TJP2: variants seen among roughly 807,000 people sequenced by gnomAD.
TJP2 encodes the protein tight junction protein 2, also known as Friedreich ataxia region gene X104 (tight junction protein ZO-2).
A neutral mutation model predicts 133.1 loss-of-function variants in TJP2; 91 were observed. The ratio of observed to expected loss-of-function variants is 0.68; its 90% CI spans 0.58 to 0.81. The LOEUF is 0.81. Among genes scored for constraint, TJP2 ranks in the 40% least tolerant of loss-of-function variants. TJP2 has a pLI of 0.00. For synonymous variants in TJP2, 592 were observed against 583.4 expected (o/e 1.01, Z -0.21); for missense variants, 1,541 against 1,565.6 (o/e 0.98, Z 0.26).
intron 2 of TJP2, among the ~76,000 whole-genome samples, chr9:69,165,398 A>G (rs1824296841): frequency 6.6e-6 from 1 of 152,148 alleles, no homozygotes; most frequent in Admixed American, 6.5e-5. Flanking sequence ...TTGGTCTCCC[A>G]AAGTGCTGTG....
Position 69,181,237 on chromosome 9 carries a change from TTTC to T in TJP2, c.60+6808_60+6810del, listed in dbSNP as rs370744184. Among the ~76,000 whole-genome samples, 6 of 120,238 alleles carry T rather than the reference TTTC, an allele frequency of 5.0e-5. No homozygotes were observed. The South Asian group carries it at 1.6e-3, about 32-fold the overall frequency. 78.9% of individuals were successfully genotyped at this position (120,238 alleles called of 152,430 possible). A position where few individuals can be genotyped will look rare whatever the true frequency, so the allele number is the denominator to read the frequency against. ...GCTGTCTTGTGACTCTAGTTTGCAA[TTTC>T]TTTTTTTTTTTTTTTTTTTTTTTTT... On this transcript the variant is annotated intron_variant, in intron 1 of 22. Coordinates refer to ENST00000377245, the MANE Select transcript of TJP2 (RefSeq NM_004817.4).
Position 69,228,077 on chromosome 9 carries a change from G to C in TJP2, c.1416G>C (p.Glu472Asp), listed in dbSNP as rs554849464. Residue 472 changes from glutamate to aspartate, a missense_variant, in exon 9 of 23, where the codon GAG becomes GAC. Glu to Asp is a conservative substitution (Grantham distance 45, BLOSUM62 2). Transcript: ENST00000377245. ...TGDIAGTVVP[E>D]TNKEPRYQED... Reference sequence around the variant, plus strand: ...ATATTGCAGGCACAGTTGTCCCAGAGACCAACAAGGAACCCAGATACCAAG... The same window carrying C: ...ATATTGCAGGCACAGTTGTCCCAGACACCAACAAGGAACCCAGATACCAAG... 4 of 1,613,268 alleles carry C rather than the reference G, an allele frequency of 2.5e-6. No individual in the cohort carries two copies. The highest frequency in any genetic ancestry group is 3.4e-6 in the Non-Finnish European group (4 of 1,179,640).
intron 1 of TJP2, among the ~76,000 whole-genome samples, chr9:69,146,874 G>A (rs1049005431): frequency 6.6e-6 from 1 of 152,146 alleles, no homozygotes; most frequent in African/African-American, 2.4e-5. Context: ...GGTGCCACTG[G>A]TGAGACATTT....
rs369572714 is a variant in TJP2 at position 69,221,376 on chromosome 9, C to T, written c.832C>T (p.Arg278Cys). The change falls in exon 5 of 23, where the codon CGC becomes TGC. Residue 278 changes from arginine to cysteine, a missense_variant. Transcript: ENST00000377245. ...EYRRGARHDA[R>C]SRGPRSRSRE... ...CAGGCGCGGGGCCCGCCACGATGCC[C>T]GCTCTCGGGGACCCCGAAGCCGCAG... 14 of 1,583,414 alleles carry T rather than the reference C, an allele frequency of 8.8e-6. No homozygotes were observed. The East Asian group carries it at 1.6e-4, about 18-fold the overall frequency.
chr9:69,223,164 G>A (rs11137572), intron 5 of TJP2, among the ~76,000 whole-genome samples: 50,455 of 151,664 alleles, frequency 0.33, 8,738 homozygotes, highest in Middle Eastern at 0.38. Flanking sequence ...ATCTCAAGTG[G>A]AAAACCACAG....
At chr9:69,228,595 T>A (rs1301968531) in intron 9 of TJP2, among the ~76,000 whole-genome samples, 1 of 152,216 alleles carries the variant, frequency 6.6e-6, no homozygotes, top group East Asian at 1.9e-4. Context: ...TATACAGATA[T>A]GTATGTACAT....
intron 5 of TJP2, among the ~76,000 whole-genome samples, chr9:69,221,870 T>TC (rs1435652437): frequency 6.7e-6 from 1 of 148,348 alleles, no homozygotes; most frequent in Non-Finnish European, 1.5e-5. Context: ...CTACTTTTTT[T>TC]TTTTTTTTTT....
chr9:69,220,892 C>A lies in TJP2; in HGVS notation c.348C>A (p.Val116=). Residue 116 remains valine (V), a synonymous_variant, in exon 5 of 23, where the codon GTC becomes GTA. Coordinates refer to ENST00000377245, the MANE Select transcript of TJP2 (RefSeq NM_004817.4). ...RKSGKVAAIV[V]KRPRKVQVAA... Reference sequence around the variant, plus strand: ...TGAGTTTGTTTTGACAACAGGTGGTCAAGAGGCCCCGGAAGGTCCAGGTGG... The same window carrying A: ...TGAGTTTGTTTTGACAACAGGTGGTAAAGAGGCCCCGGAAGGTCCAGGTGG... 5 of 1,612,206 alleles carry A rather than the reference C, an allele frequency of 3.1e-6. No homozygotes were observed. In the South Asian group the frequency reaches 3.3e-5, roughly 11 times the overall value.
In TJP2 at chr9:69,191,830, A is replaced by G. The variant is rs1826223619; in HGVS notation, c.60+17398A>G. ...CAGCTCATTGCAACCTCCACCTCCC[A>G]GGTTCAAGCGATTTTCCTGCCTCAG... On this transcript the variant is annotated intron_variant, in intron 1 of 22. Transcript: ENST00000377245. Among the ~76,000 whole-genome samples the G allele has an allele frequency of 1.3e-5, 2 of 151,824 alleles. 1 individual carries two copies. The highest frequency in any genetic ancestry group is 4.8e-5 in the African/African-American group (2 of 41,306).
chr9:69,200,152 G>A (rs1282695241), intron 1 of TJP2, among the ~76,000 whole-genome samples: 2 of 146,144 alleles, frequency 1.4e-5, no homozygotes, highest in East Asian at 1.9e-4. Flanking sequence ...TTTACTGCCC[G>A]GCCGCACTGA....
At chr9:69,174,032 GC>G, upstream of TJP2, 1 of 1,042,696 alleles carries the variant, frequency 9.6e-7, no homozygotes, top group Non-Finnish European at 1.2e-6. Flanking sequence ...GCCGCCTCCC[GC>G]CCCCGGCCAG....
chr9:69,200,608 A>G (rs72709068), intron 1 of TJP2, among the ~76,000 whole-genome samples: 1 of 152,138 alleles, frequency 6.6e-6, no homozygotes. Context: ...TGCCTAGCCC[A>G]GTCTTGAACT....
intron 2 of TJP2, among the ~76,000 whole-genome samples, chr9:69,167,276 A>G (rs980690415): frequency 2.0e-5 from 3 of 152,102 alleles, no homozygotes; most frequent in African/African-American, 7.2e-5. Context: ...ATAATACTGT[A>G]GTGGGATCTC....
At chr9:69,150,146 C>A (rs1273609823) in intron 1 of TJP2, among the ~76,000 whole-genome samples, 1 of 151,436 alleles carries the variant, frequency 6.6e-6, no homozygotes, top group East Asian at 1.9e-4. Context: ...GAGACTGTCT[C>A]AAAAAACAAA....
At chr9:69,248,751 C>T in intron 19 of TJP2, 8 of 996,026 alleles carry the variant, frequency 8.0e-6, no homozygotes, top group Non-Finnish European at 8.4e-6. Flanking sequence ...TGTGCATCCA[C>T]TGTGATTAGA....
intron 1 of TJP2, among the ~76,000 whole-genome samples, chr9:69,144,964 GCT>G: frequency 6.6e-6 from 1 of 152,208 alleles, no homozygotes; most frequent in Non-Finnish European, 1.5e-5. Context: ...GGGTAAGGAA[GCT>G]CTTCAAAGCC....
chr9:69,167,485 C>T (rs1257383675), intron 2 of TJP2, among the ~76,000 whole-genome samples: 1 of 152,102 alleles, frequency 6.6e-6, no homozygotes, highest in Admixed American at 6.5e-5. Context: ...AAAAAATTAA[C>T]AAAAATGAAA....
At chr9:69,238,595 C>T in intron 15 of TJP2, 115 bp from the exon 16 acceptor site, 1 of 836,236 alleles carries the variant, frequency 1.2e-6, no homozygotes, top group Non-Finnish European at 2.0e-6. Flanking sequence ...CCCACTGAAT[C>T]TTGTTAGGAG....
upstream of TJP2, among the ~76,000 whole-genome samples, chr9:69,170,307 T>G (rs1337141440): frequency 2.0e-5 from 3 of 152,246 alleles, no homozygotes; most frequent in African/African-American, 7.2e-5. Flanking sequence ...AGTTTTTATT[T>G]TTTTTATAAT....
Sources: gnomAD v4.1 joint callset for allele counts (sites outside exome capture counted in the v4.1 genomes callset) on GRCh38, gnomAD v4.1.1 for gene constraint, MANE v1.5 for transcripts, NCBI Gene and HGNC (gene_info 2026-07-23, HGNC 2026-07-21) for gene names.